The following LPP variants were observed in gnomAD, a reference collection of about 807,000 sequenced individuals.
LPP encodes the protein LIM domain containing preferred translocation partner in lipoma, also known as lipoma-preferred partner.
LPP carries 38 observed loss-of-function variants against 60.4 expected under a neutral mutation model. The observed-to-expected ratio is 0.63, with a 90% CI of 0.49 to 0.83. The LOEUF is 0.83. LPP is among the 40% of genes least tolerant of loss of function. The pLI is 0.00. For missense variants in LPP, 902 were observed against 783.6 expected, an observed-to-expected ratio of 1.15 and a Z score of -1.80; for synonymous variants, 328 against 290.8, an observed-to-expected ratio of 1.13 and a Z score of -1.30.
At chr3:188,830,743 A>C (rs1271170334) in intron 9 of LPP, among the ~76,000 whole-genome samples, 3 of 152,222 alleles carry the variant, frequency 2.0e-5, no homozygotes, top group Non-Finnish European at 4.4e-5. Flanking sequence ...ACATCTACCT[A>C]TAAAATTCAG....
At chr3:188,753,631 T>G (rs1039685856) in intron 8 of LPP, among the ~76,000 whole-genome samples, 3 of 151,776 alleles carry the variant, frequency 2.0e-5, no homozygotes, top group Non-Finnish European at 4.4e-5. Flanking sequence ...TTTTTTGTTT[T>G]TTTTTACTTT....
At chr3:188,828,015 G>A (rs1011014044) in intron 9 of LPP, among the ~76,000 whole-genome samples, 3 of 152,056 alleles carry the variant, frequency 2.0e-5, no homozygotes, top group Non-Finnish European at 2.9e-5. Flanking sequence ...GCTCACAATA[G>A]GATAAAGTGT....
At chr3:188,635,421 A>G (rs1848543224) in intron 7 of LPP, among the ~76,000 whole-genome samples, 1 of 152,184 alleles carries the variant, frequency 6.6e-6, no homozygotes, top group South Asian at 2.1e-4. Context: ...GGTTACCAGT[A>G]CGTTTGGTTC....
intron 7 of LPP, among the ~76,000 whole-genome samples, chr3:188,624,207 A>C (rs1376527233): frequency 6.6e-6 from 1 of 152,224 alleles, no homozygotes; most frequent in Non-Finnish European, 1.5e-5. Flanking sequence ...GCTTGCCAAA[A>C]GTCAGGACTA....
At chr3:188,613,310 C>CTATATCTATATCTA (rs1172951423) in intron 7 of LPP, among the ~76,000 whole-genome samples, 43 of 144,974 alleles carry the variant, frequency 3.0e-4, no homozygotes, top group African/African-American at 1.1e-3. Flanking sequence ...ATATCTATAT[C>CTATATCTATATCTA]TATATATATC....
At chr3:188,736,107 T>C (rs1482963485) in intron 8 of LPP, among the ~76,000 whole-genome samples, 1 of 152,190 alleles carries the variant, frequency 6.6e-6, no homozygotes, top group African/African-American at 2.4e-5. Flanking sequence ...CTGCAAAACT[T>C]AATGTTTAGA....
At chr3:188,613,821 T>C (rs1259461404) in intron 7 of LPP, among the ~76,000 whole-genome samples, 1 of 152,066 alleles carries the variant, frequency 6.6e-6, no homozygotes, top group Non-Finnish European at 1.5e-5. Flanking sequence ...AGATCTGTAA[T>C]TTCTGTTAAG....
chr3:188,523,482 C>G (rs116575507), intron 5 of LPP, among the ~76,000 whole-genome samples: 2,200 of 152,308 alleles, frequency 0.014, 38 homozygotes, highest in African/African-American at 0.038. Flanking sequence ...GCATACGGAA[C>G]TAGTGGTCTT....
intron 9 of LPP, among the ~76,000 whole-genome samples, chr3:188,766,664 A>G (rs9819331): frequency 0.66 from 101,030 of 152,078 alleles, 34,075 homozygotes; most frequent in South Asian, 0.8. Flanking sequence ...AAAACACTGG[A>G]AATCCCATTT....
At chr3:188,429,144 A>G (rs1184291223) in intron 4 of LPP, among the ~76,000 whole-genome samples, 1 of 152,184 alleles carries the variant, frequency 6.6e-6, no homozygotes, top group East Asian at 1.9e-4. Context: ...TGTGTAACGT[A>G]TGGTTAAGTT....
intron 8 of LPP, among the ~76,000 whole-genome samples, chr3:188,731,537 T>TTTTGTTTTG (rs1240778113): frequency 2.0e-5 from 3 of 151,970 alleles, no homozygotes; most frequent in African/African-American, 7.3e-5. Context: ...TTTTGTTTTG[T>TTTTGTTTTG]TTTGAGATGG....
chr3:188,869,590 C>G (rs1287506061), intron 10 of LPP, among the ~76,000 whole-genome samples: 2 of 152,204 alleles, frequency 1.3e-5, no homozygotes, highest in Non-Finnish European at 2.9e-5. Flanking sequence ...TGCACCCAGC[C>G]TTAGTCTGCG....
intron 9 of LPP, among the ~76,000 whole-genome samples, chr3:188,770,674 G>A (rs1267230132): frequency 1.3e-5 from 2 of 152,088 alleles, no homozygotes; most frequent in Non-Finnish European, 2.9e-5. Context: ...AGGCCATAAA[G>A]TTAATCTTAA....
chr3:188,837,966 A>G lies in LPP; in HGVS notation c.1411-28234A>G, dbSNP rs186492692. On this transcript the variant is annotated intron_variant, in intron 9 of 11. Transcript: ENST00000617246. The stretch of plus-strand genomic sequence containing the variant: ...CTCTATCTAGTGTGGGAAAACGTGA[A>G]ACAACTTTGGGCCATAGATTGCTCT... Among the ~76,000 whole-genome samples the G allele has an allele frequency of 2.6e-3, 389 of 152,198 alleles. 3 individuals carry two copies. The highest frequency in any genetic ancestry group is 3.4e-3 in the Non-Finnish European group (228 of 68,008).
intron 4 of LPP, among the ~76,000 whole-genome samples, chr3:188,424,393 C>T (rs1406145471): frequency 6.6e-6 from 1 of 152,114 alleles, no homozygotes; most frequent in Non-Finnish European, 1.5e-5. Flanking sequence ...TAGCATGATG[C>T]CTCCAGCTTT....
In LPP at chr3:188,881,423, A is replaced by G. The variant is rs1770004972; in HGVS notation, c.*6944A>G. 1 of 206,342 alleles carries G rather than the reference A, an allele frequency of 4.8e-6. No individual in the cohort carries two copies. The highest frequency in any genetic ancestry group is 9.9e-6 in the Non-Finnish European group (1 of 100,656). 12.8% of individuals were successfully genotyped at this position (206,342 alleles called of 1,614,324 possible). On this transcript the variant is annotated 3_prime_UTR_variant, in exon 12 of 12. Transcript: ENST00000617246. ...GCTTCTTTAAACAGTGGACACAAAC[A>G]TATTTTCTAATTTTCAGTGTACTCA...
At chr3:188,227,461 G>C (rs1001337811) in intron 2 of LPP, among the ~76,000 whole-genome samples, 3 of 151,142 alleles carry the variant, frequency 2.0e-5, no homozygotes, top group Non-Finnish European at 4.4e-5. Context: ...TTGTTCATAA[G>C]CTAAATATGA....
chr3:188,195,506 A>C (rs1729292758), intron 1 of LPP, among the ~76,000 whole-genome samples: 1 of 152,188 alleles, frequency 6.6e-6, no homozygotes, highest in Non-Finnish European at 1.5e-5. Context: ...TCATTTTGTC[A>C]TATTATTAGA....
chr3:188,543,544 A>T (rs971732130), intron 6 of LPP, among the ~76,000 whole-genome samples: 1 of 151,884 alleles, frequency 6.6e-6, no homozygotes, highest in African/African-American at 2.4e-5. Flanking sequence ...ATATGGTTCG[A>T]TTTCTTCCAG....
Sources: allele counts gnomAD v4.1 joint callset (sites outside exome capture counted in the v4.1 genomes callset), GRCh38; gene constraint gnomAD v4.1.1; transcripts MANE v1.5; gene names NCBI Gene and HGNC (gene_info 2026-07-23, HGNC 2026-07-21).